Variants in ABCD3 observed in about 807,000 individuals in gnomAD.
ABCD3 encodes ATP binding cassette subfamily D member 3.
In ABCD3, 41 loss-of-function variants were observed where a neutral mutation model predicts 105.5. The observed-to-expected ratio is 0.39, with a 90% CI of 0.30 to 0.50. The LOEUF is 0.50. Among genes scored for constraint, ABCD3 ranks in the 20% least tolerant of loss-of-function variants. ABCD3 has a pLI of 0.84. For missense variants in ABCD3, 622 were observed against 806.3 expected (o/e 0.77, Z 2.77); for synonymous variants, 258 against 269.0 (o/e 0.96, Z 0.40).
chr1:94,503,917 TTTTTTTTTTTTTTGA>T (rs1650228683), intron 20 of ABCD3, among the ~76,000 whole-genome samples: 1 of 145,578 alleles, frequency 6.9e-6, no homozygotes, highest in African/African-American at 2.6e-5. Flanking sequence ...TTTTTTTTTT[TTTTTTTTTTTTTTGA>T]GACAAAGTCT....
At chr1:94,458,097 C>T (rs991064960) in intron 1 of ABCD3, among the ~76,000 whole-genome samples, 3 of 152,208 alleles carry the variant, frequency 2.0e-5, no homozygotes, top group African/African-American at 4.8e-5. Context: ...ATACTGCTTA[C>T]TCTCTCCAGG....
At chr1:94,479,947 G>C (rs563594500) in intron 8 of ABCD3, among the ~76,000 whole-genome samples, 1 of 152,078 alleles carries the variant, frequency 6.6e-6, no homozygotes, top group East Asian at 1.9e-4. Flanking sequence ...AGCTCGTTCA[G>C]GGGGAGCTGA....
the ABCD3 span, among the ~76,000 whole-genome samples, chr1:94,399,426 C>T: frequency 2.0e-5 from 3 of 152,168 alleles, no homozygotes; most frequent in Non-Finnish European, 2.9e-5. Context: ...AGTCCTTGCC[C>T]GGCCCAGTCT....
chr1:94,408,355 G>GGGGGATCACTTGAGGTGA, the ABCD3 span, among the ~76,000 whole-genome samples: 1 of 152,062 alleles, frequency 6.6e-6, no homozygotes, highest in Non-Finnish European at 1.5e-5. Context: ...GGCCAAGGTG[G>GGGGGATCACTTGAGGTGA]GGGGATCACT....
chr1:94,501,902 A>G (rs1411777619), intron 20 of ABCD3, among the ~76,000 whole-genome samples: 2 of 151,488 alleles, frequency 1.3e-5, no homozygotes, highest in Non-Finnish European at 2.9e-5. Flanking sequence ...TAAATTAGCA[A>G]CTATCCCCCT....
chr1:94,476,709 C>T (rs535731411), intron 7 of ABCD3, among the ~76,000 whole-genome samples: 1 of 152,292 alleles, frequency 6.6e-6, no homozygotes, highest in African/African-American at 2.4e-5. Context: ...AAGAGCTGCT[C>T]TCCTCATGCC....
At chr1:94,493,671 T>C (rs1043704477) in intron 16 of ABCD3, among the ~76,000 whole-genome samples, 1 of 151,902 alleles carries the variant, frequency 6.6e-6, no homozygotes, top group Non-Finnish European at 1.5e-5. Flanking sequence ...CTATTCACAA[T>C]AGCAAAGACT....
At chr1:94,434,149 G>C (rs1268980229) in intron 1 of ABCD3, among the ~76,000 whole-genome samples, 1 of 152,028 alleles carries the variant, frequency 6.6e-6, no homozygotes, top group Non-Finnish European at 1.5e-5. Context: ...TATAAACACT[G>C]TACACTTAGG....
the ABCD3 span, chr1:94,406,340 G>GTTTTGT: frequency 7.1e-6 from 1 of 141,736 alleles, no homozygotes; most frequent in African/African-American, 2.9e-5. Context: ...ATTTTGTTTT[G>GTTTTGT]TTTTTTTTTT....
chr1:94,510,702 A>G, intron 21 of ABCD3, among the ~76,000 whole-genome samples: 3 of 151,798 alleles, frequency 2.0e-5, no homozygotes, highest in Non-Finnish European at 4.4e-5. Flanking sequence ...TATTTAGGAT[A>G]GTTAGCTCTT....
chr1:94,500,185 G>T (rs141839797), intron 20 of ABCD3, among the ~76,000 whole-genome samples: 1 of 152,224 alleles, frequency 6.6e-6, no homozygotes, highest in East Asian at 1.9e-4. Flanking sequence ...TAATTGTTAT[G>T]ATGACTAAAC....
chr1:94,512,374 CTCTT>C (rs1353439759), intron 21 of ABCD3, among the ~76,000 whole-genome samples: 1 of 151,322 alleles, frequency 6.6e-6, no homozygotes, highest in Non-Finnish European at 1.5e-5. Flanking sequence ...ATATTTAAAT[CTCTT>C]TATAATTCTC....
chr1:94,494,092 A>G (rs1649677621), intron 16 of ABCD3, among the ~76,000 whole-genome samples: 1 of 152,148 alleles, frequency 6.6e-6, no homozygotes, highest in Admixed American at 6.6e-5. Flanking sequence ...CTTAAAGTAT[A>G]ATAATAATAA....
chr1:94,391,317 G>T, the ABCD3 span, among the ~76,000 whole-genome samples: 2 of 152,082 alleles, frequency 1.3e-5, no homozygotes, highest in Non-Finnish European at 1.5e-5. Context: ...AATCACTTTT[G>T]CACCAACCTA....
At chr1:94,445,652 C>T (rs1660317685) in intron 1 of ABCD3, among the ~76,000 whole-genome samples, 1 of 152,144 alleles carries the variant, frequency 6.6e-6, no homozygotes, top group South Asian at 2.1e-4. Context: ...TCTTTCTTTT[C>T]CAGAGGACAC....
chr1:94,418,696 G>A (rs955298342), intron 1 of ABCD3, 108 bp downstream of exon 1: 25 of 1,214,770 alleles, frequency 2.1e-5, no homozygotes, highest in Non-Finnish European at 2.8e-5. Context: ...GGGGTCGGGC[G>A]GAGAGAGGGC....
chr1:94,398,225 T>C, the ABCD3 span, among the ~76,000 whole-genome samples: 1 of 152,234 alleles, frequency 6.6e-6, no homozygotes, highest in African/African-American at 2.4e-5. Context: ...TTCCTACTGC[T>C]ATCTTTGACC....
intron 20 of ABCD3, among the ~76,000 whole-genome samples, chr1:94,500,561 G>C (rs1038304394): frequency 2.0e-5 from 3 of 152,168 alleles, no homozygotes; most frequent in African/African-American, 7.2e-5. Flanking sequence ...ATAGATCCAA[G>C]CAAGAGATTC....
At chr1:94,424,613 C>T (rs1271753397) in intron 1 of ABCD3, among the ~76,000 whole-genome samples, 1 of 151,952 alleles carries the variant, frequency 6.6e-6, no homozygotes, top group Non-Finnish European at 1.5e-5. Context: ...GACAAGGTCA[C>T]GTTATGTTGC....
Sources: allele counts gnomAD v4.1 joint callset (sites outside exome capture counted in the v4.1 genomes callset), GRCh38; gene constraint gnomAD v4.1.1; transcripts MANE v1.5; gene names NCBI Gene and HGNC (gene_info 2026-07-23, HGNC 2026-07-21).